The following CCSER1 variants were observed in gnomAD, a reference collection of about 807,000 sequenced individuals.
CCSER1 encodes the protein coiled-coil serine rich protein 1.
CCSER1 carries 41 observed loss-of-function variants against 82.0 expected under a neutral mutation model. That is an observed-to-expected ratio of 0.50 (90% CI 0.39 to 0.65). The LOEUF (loss-of-function observed/expected upper bound fraction) is 0.65, where lower values mean the gene tolerates loss of function less well. Among genes scored for constraint, CCSER1 ranks in the 30% least tolerant of loss-of-function variants. The pLI, the probability that CCSER1 is intolerant of heterozygous loss-of-function variation, is 0.00. For synonymous variants in CCSER1, 414 were observed against 383.9 expected (o/e 1.08, Z -0.92); for missense variants, 1,119 against 1,064.2 (o/e 1.05, Z -0.72).
chr4:91,307,373 T>A (rs988311075), intron 10 of CCSER1, among the ~76,000 whole-genome samples: 4 of 151,946 alleles, frequency 2.6e-5, no homozygotes, highest in African/African-American at 9.6e-5. Context: ...TTTTTTTCTT[T>A]AGTCCCTAGA....
At chr4:90,446,765 T>C (rs1760717140) in intron 4 of CCSER1, among the ~76,000 whole-genome samples, 1 of 152,192 alleles carries the variant, frequency 6.6e-6, no homozygotes. Context: ...CCTTTCCTGC[T>C]TCCCCTTCCA....
chr4:91,441,420 AC>A (rs70965496), intron 10 of CCSER1, among the ~76,000 whole-genome samples: 114,217 of 150,650 alleles, frequency 0.76, 43,557 homozygotes, highest in East Asian at 0.91. Flanking sequence ...AAATTCAACA[AC>A]CCTTCATGCT....
At chr4:90,602,932 G>T (rs1430044766) in intron 5 of CCSER1, among the ~76,000 whole-genome samples, 1 of 152,150 alleles carries the variant, frequency 6.6e-6, no homozygotes, top group Admixed American at 6.5e-5. Context: ...CACTACCTTT[G>T]TTATTCCGAA....
chr4:90,696,399 T>C (rs767831324), intron 6 of CCSER1, among the ~76,000 whole-genome samples: 1 of 57,766 alleles, frequency 1.7e-5, no homozygotes, highest in African/African-American at 5.0e-5. Flanking sequence ...AAACTGGTAA[T>C]TTTTTTTTAA....
chr4:91,144,821 G>T (rs1346684491), intron 10 of CCSER1, among the ~76,000 whole-genome samples: 6 of 151,940 alleles, frequency 3.9e-5, no homozygotes, highest in African/African-American at 1.4e-4. Context: ...TGTGGTTCTA[G>T]AACATGCTTG....
chr4:91,578,063 C>A (rs1481026310), intron 10 of CCSER1, among the ~76,000 whole-genome samples: 1 of 151,946 alleles, frequency 6.6e-6, no homozygotes, highest in Non-Finnish European at 1.5e-5. Context: ...GTGTGTGAAG[C>A]ACCCACCTGG....
chr4:90,636,348 TAG>T lies in CCSER1; in HGVS notation c.1932+8120_1932+8121del, dbSNP rs551646830. Among the ~76,000 whole-genome samples, 68 of 151,982 alleles carry T rather than the reference TAG, an allele frequency of 4.5e-4. No individual in the cohort carries two copies. The South Asian group carries it at 8.5e-3, about 19-fold the overall frequency. ...ATATTATGTAAAAATTTTCAGGAAA[TAG>T]AGACACATTATGCTTCTCATCTTGT... On this transcript the variant is annotated intron_variant, in intron 6 of 10. Transcript: ENST00000509176.
chr4:90,690,663 T>C (rs536696893), intron 6 of CCSER1, among the ~76,000 whole-genome samples: 58 of 152,098 alleles, frequency 3.8e-4, no homozygotes, highest in Non-Finnish European at 7.5e-4. Context: ...CCATATTCTT[T>C]CCTCATGCAT....
In CCSER1 at chr4:90,670,583, A is replaced by G. The variant is rs139988793; in HGVS notation, c.1932+42351A>G. Among the ~76,000 whole-genome samples, 312 of 152,194 alleles carry G rather than the reference A, an allele frequency of 2.1e-3. 4 individuals are homozygous for G. The highest frequency in any genetic ancestry group is 0.019 in the Admixed American group (286 of 15,260). ...CTGGTAGGCAAAGGGAAATTCTCCA[A>G]AGAAGGGGGCAACTATGAACTATCA... On this transcript the variant is annotated intron_variant, in intron 6 of 10. Coordinates refer to ENST00000509176, the MANE Select transcript of CCSER1 (RefSeq NM_001145065.2).
At chr4:90,986,202 T>C (rs1003512531) in intron 9 of CCSER1, among the ~76,000 whole-genome samples, 1 of 151,720 alleles carries the variant, frequency 6.6e-6, no homozygotes, top group Non-Finnish European at 1.5e-5. Flanking sequence ...TTTGAATTAA[T>C]TTTTGGTAAC....
At chr4:91,305,584 T>C (rs1744995920) in intron 10 of CCSER1, among the ~76,000 whole-genome samples, 1 of 152,134 alleles carries the variant, frequency 6.6e-6, no homozygotes, top group Non-Finnish European at 1.5e-5. Flanking sequence ...ATTTCATTTA[T>C]TTTTGGTCTT....
At chr4:91,255,690 T>A (rs140544431) in intron 10 of CCSER1, among the ~76,000 whole-genome samples, 1,683 of 152,282 alleles carry the variant, frequency 0.011, 41 homozygotes, top group African/African-American at 0.038. Context: ...GTTCTCCAAA[T>A]TAATACTTTT....
chr4:90,457,781 C>T (rs1762376129), intron 4 of CCSER1, among the ~76,000 whole-genome samples: 1 of 152,174 alleles, frequency 6.6e-6, no homozygotes, highest in South Asian at 2.1e-4. Flanking sequence ...GGCACCCAGG[C>T]TTCAGGCCAT....
At chr4:90,848,243 G>C (rs1378951927) in intron 8 of CCSER1, among the ~76,000 whole-genome samples, 7 of 152,158 alleles carry the variant, frequency 4.6e-5, no homozygotes, top group Non-Finnish European at 1.0e-4. Flanking sequence ...TGGTTTTGTG[G>C]ATCACAACTA....
intron 1 of CCSER1, among the ~76,000 whole-genome samples, chr4:90,204,202 C>T (rs1019180135): frequency 2.6e-5 from 4 of 152,182 alleles, no homozygotes; most frequent in Non-Finnish European, 5.9e-5. Flanking sequence ...TTAATTAGAT[C>T]CCATTTGTCA....
At chr4:90,953,739 A>G (rs757290891) in intron 9 of CCSER1, among the ~76,000 whole-genome samples, 2 of 151,942 alleles carry the variant, frequency 1.3e-5, no homozygotes, top group Non-Finnish European at 2.9e-5. Flanking sequence ...AGAATTTTGT[A>G]TTGACTCACA....
intron 3 of CCSER1, among the ~76,000 whole-genome samples, chr4:90,362,748 T>A (rs964909806): frequency 3.3e-5 from 5 of 152,152 alleles, no homozygotes; most frequent in Non-Finnish European, 7.4e-5. Flanking sequence ...CTACTCTTCT[T>A]TGATTTGCCA....
chr4:91,400,822 G>A (rs1752269945), intron 10 of CCSER1, among the ~76,000 whole-genome samples: 1 of 151,468 alleles, frequency 6.6e-6, no homozygotes, highest in Admixed American at 6.6e-5. Context: ...TTAAGTCTAT[G>A]GTTGTACCAT....
rs147612029 is a variant in CCSER1, at chr4:90,173,339, C to CAA, written c.-42+45517_-42+45518dup. On this transcript the variant is annotated intron_variant, in intron 1 of 10. Transcript: ENST00000509176. ...ATTGATCTGCAATTGTGTTTTTTTT[C>CAA]AAAAAAAAAATGATTCTTCAGGATA... Among the ~76,000 whole-genome samples the CAA allele has an allele frequency of 1.4e-3, 199 of 145,432 alleles. 3 individuals are homozygous for CAA. The South Asian group carries it at 0.033, about 24-fold the overall frequency.
Sources: allele counts gnomAD v4.1 joint callset (sites outside exome capture counted in the v4.1 genomes callset), GRCh38; gene constraint gnomAD v4.1.1; transcripts MANE v1.5; gene names NCBI Gene and HGNC (gene_info 2026-07-23, HGNC 2026-07-21).